The following IGF2BP3 variants were observed in gnomAD, a reference collection of about 807,000 sequenced individuals.
The protein encoded by IGF2BP3 is insulin-like growth factor 2 mRNA-binding protein 3.
IGF2BP3 carries 9 observed loss-of-function variants against 73.8 expected under a neutral mutation model. That is an observed-to-expected ratio of 0.12 (90% CI 0.07 to 0.21). The LOEUF (loss-of-function observed/expected upper bound fraction) is 0.21, where lower values mean the gene tolerates loss of function less well. Ranked by LOEUF, IGF2BP3 falls within the 10% of genes least tolerant of loss-of-function variation. The pLI is 1.00. For synonymous variants in IGF2BP3, 258 were observed against 256.7 expected, an observed-to-expected ratio of 1.01 and a Z score of -0.05; for missense variants, 542 against 714.0, an observed-to-expected ratio of 0.76 and a Z score of 2.75.
At position 23,418,778 on chromosome 7, in the gene IGF2BP3, C is replaced by T. The variant is rs1562741302; in HGVS notation, c.283G>A (p.Glu95Lys). 6.4e-7 allele frequency: 1 copy of T among 1,572,268 alleles called. No homozygotes were observed. The highest frequency in any genetic ancestry group is 8.7e-7 in the Non-Finnish European group (1 of 1,149,956). The stretch of plus-strand genomic sequence containing the variant: ...ATTTTAAATACAGAAATTCTTACCT[C>T]CCACTGTAAATGAGGCGGGATATTT... Reference protein sequence around the residue: ...IRNIPPHLQWEVLDSLLVQYG... With the variant: ...IRNIPPHLQWKVLDSLLVQYG... Residue 95 changes from glutamate to lysine, a missense_variant and splice_region_variant, in exon 3 of 15, where the codon GAG becomes AAG. By Grantham distance (56) the Glu-to-Lys change is moderately conservative. This residue lies in a region of IGF2BP3 where 239 missense variants were observed against 241.9 expected (regional missense o/e 0.99). Coordinates refer to ENST00000258729, the MANE Select transcript of IGF2BP3 (RefSeq NM_006547.3).
chr7:23,433,914 A>C (rs917107599), intron 2 of IGF2BP3, among the ~76,000 whole-genome samples: 2 of 152,032 alleles, frequency 1.3e-5, no homozygotes, highest in African/African-American at 4.8e-5. Flanking sequence ...ATCTCTGCTA[A>C]AAATACAAAA....
At chr7:23,408,559 G>GTAAAACA (rs1376458641) in intron 3 of IGF2BP3, among the ~76,000 whole-genome samples, 1 of 152,180 alleles carries the variant, frequency 6.6e-6, no homozygotes, top group Non-Finnish European at 1.5e-5. Context: ...TGGTAGAAAT[G>GTAAAACA]TAAAACAGTA....
Position 23,345,927 on chromosome 7 carries a change from A to G in IGF2BP3, c.941+13T>C, listed in dbSNP as rs1366045429. The G allele has an allele frequency of 1.3e-5, 21 of 1,609,828 alleles. No homozygotes were observed. Among genetic ancestry groups the G allele is most frequent in the Non-Finnish European group, 1.7e-5 (20 of 1,179,512 alleles). On this transcript the variant is annotated intron_variant, in intron 8 of 14. Coordinates refer to ENST00000258729, the MANE Select transcript of IGF2BP3 (RefSeq NM_006547.3). The stretch of plus-strand genomic sequence containing the variant: ...TGGAAAGTTTTCTTATTCAAAAGCA[A>G]AGGAGCACTCACGGAGATATCGTGA...
chr7:23,350,254 G>A (rs1279814016), intron 6 of IGF2BP3, among the ~76,000 whole-genome samples: 2 of 152,136 alleles, frequency 1.3e-5, no homozygotes, highest in South Asian at 2.1e-4. Flanking sequence ...CTAACTTTTA[G>A]AGAAAGATTA....
intron 2 of IGF2BP3, among the ~76,000 whole-genome samples, chr7:23,440,668 C>G (rs1474194515): frequency 6.6e-6 from 1 of 152,196 alleles, no homozygotes; most frequent in Non-Finnish European, 1.5e-5. Flanking sequence ...GACATACTGT[C>G]TATTGGGGGA....
intron 3 of IGF2BP3, among the ~76,000 whole-genome samples, chr7:23,395,040 A>G (rs1279931756): frequency 1.3e-4 from 20 of 152,194 alleles, no homozygotes; most frequent in Non-Finnish European, 2.9e-5. Context: ...GGAGCTTAGC[A>G]TTAATCCACC....
At chr7:23,453,634 T>C (rs1394823975) in intron 2 of IGF2BP3, among the ~76,000 whole-genome samples, 2 of 152,180 alleles carry the variant, frequency 1.3e-5, no homozygotes, top group African/African-American at 4.8e-5. Flanking sequence ...TGAAAGGTAT[T>C]CTCATTTTAA....
At chr7:23,342,885 T>C (rs71526005) in intron 9 of IGF2BP3, among the ~76,000 whole-genome samples, 11,004 of 152,284 alleles carry the variant, frequency 0.072, 562 homozygotes, top group Admixed American at 0.14. Context: ...GCAGTGAGAA[T>C]TGAAGCAGGT....
intron 10 of IGF2BP3, among the ~76,000 whole-genome samples, chr7:23,334,756 C>T (rs973957495): frequency 5.9e-5 from 9 of 152,174 alleles, no homozygotes; most frequent in Admixed American, 6.5e-5. Flanking sequence ...TGAAAGTTTG[C>T]ATAACTGGTG....
intron 2 of IGF2BP3, among the ~76,000 whole-genome samples, chr7:23,462,021 A>G (rs1246108506): frequency 6.6e-6 from 1 of 152,234 alleles, no homozygotes; most frequent in South Asian, 2.1e-4. Context: ...AAAAAACTCC[A>G]GCTTCTTCTG....
intron 2 of IGF2BP3, among the ~76,000 whole-genome samples, chr7:23,448,381 C>T (rs536986310): frequency 1.3e-5 from 2 of 152,252 alleles, no homozygotes; most frequent in Admixed American, 6.5e-5. Flanking sequence ...TTTCAGCAGT[C>T]CTTAACTGTT....
At chr7:23,395,858 A>G (rs548183600) in intron 3 of IGF2BP3, among the ~76,000 whole-genome samples, 2 of 151,986 alleles carry the variant, frequency 1.3e-5, no homozygotes, top group Non-Finnish European at 1.5e-5. Flanking sequence ...CCTGGGAGGC[A>G]GAGGTTGCAG....
chr7:23,332,976 A>G (rs1243826034), intron 10 of IGF2BP3, among the ~76,000 whole-genome samples: 2 of 152,244 alleles, frequency 1.3e-5, no homozygotes, highest in South Asian at 2.1e-4. Context: ...GACCTTTTCA[A>G]TGGTCAAACT....
At chr7:23,380,993 A>G (rs1785892788) in intron 3 of IGF2BP3, among the ~76,000 whole-genome samples, 1 of 152,188 alleles carries the variant, frequency 6.6e-6, no homozygotes, top group African/African-American at 2.4e-5. Flanking sequence ...ACCCACCTCC[A>G]ACCTAACCCA....
chr7:23,430,329 C>T (rs199959337), intron 2 of IGF2BP3, among the ~76,000 whole-genome samples: 70 of 152,290 alleles, frequency 4.6e-4, no homozygotes, highest in Non-Finnish European at 2.2e-4. Context: ...GTGATCCGCC[C>T]GCCTCGGCGG....
chr7:23,314,597 A>C (rs1174196685), intron 12 of IGF2BP3, among the ~76,000 whole-genome samples: 16 of 152,050 alleles, frequency 1.1e-4, no homozygotes, highest in Admixed American at 9.8e-4. Flanking sequence ...GCAAGCCACC[A>C]CACCTGGTCA....
chr7:23,447,713 C>G (rs902621533), intron 2 of IGF2BP3, among the ~76,000 whole-genome samples: 5 of 152,122 alleles, frequency 3.3e-5, no homozygotes, highest in Non-Finnish European at 7.4e-5. Context: ...GGACTCACAC[C>G]AGCAATCTCA....
chr7:23,331,420 T>C (rs1477056517), intron 10 of IGF2BP3, among the ~76,000 whole-genome samples: 1 of 152,148 alleles, frequency 6.6e-6, no homozygotes, highest in African/African-American at 2.4e-5. Context: ...TAAATAACTG[T>C]CAGGTGAAGA....
intron 2 of IGF2BP3, among the ~76,000 whole-genome samples, chr7:23,456,749 A>AT (rs1788329106): frequency 1.3e-5 from 2 of 152,228 alleles, no homozygotes; most frequent in African/African-American, 4.8e-5. Flanking sequence ...TTATGTCAAC[A>AT]TAAGAAATTT....
Sources: gnomAD v4.1 joint callset for allele counts (sites outside exome capture counted in the v4.1 genomes callset) on GRCh38, gnomAD v4.1.1 for gene constraint, gnomAD v4.1.1 regional missense constraint, MANE v1.5 for transcripts, NCBI Gene and HGNC (gene_info 2026-07-23, HGNC 2026-07-21) for gene names.